DCBLD2: variants seen among roughly 807,000 people sequenced by gnomAD.
The protein encoded by DCBLD2 is discoidin, CUB and LCCL domain-containing protein 2.
A neutral mutation model predicts 86.8 loss-of-function variants in DCBLD2; 54 were observed. The ratio of observed to expected loss-of-function variants is 0.62; its 90% CI spans 0.50 to 0.78. DCBLD2 has a LOEUF of 0.78. Among genes scored for constraint, DCBLD2 ranks in the 30% least tolerant of loss-of-function variants. The pLI, the probability that DCBLD2 is intolerant of heterozygous loss-of-function variation, is 0.00. For missense variants in DCBLD2, 908 were observed against 954.2 expected, an observed-to-expected ratio of 0.95 and a Z score of 0.64; for synonymous variants, 354 against 341.3, an observed-to-expected ratio of 1.04 and a Z score of -0.41.
At chr3:98,868,154 G>A (rs183630342) in intron 2 of DCBLD2, among the ~76,000 whole-genome samples, 66 of 152,214 alleles carry the variant, frequency 4.3e-4, no homozygotes, top group African/African-American at 1.5e-3. Context: ...GCCCCCTGAA[G>A]CCTAAAGGCC....
At chr3:98,898,274 A>G (rs1002591279) in intron 1 of DCBLD2, among the ~76,000 whole-genome samples, 1 of 151,870 alleles carries the variant, frequency 6.6e-6, no homozygotes, top group Admixed American at 6.6e-5. Flanking sequence ...CATTGTGAAC[A>G]GAAAATCTAT....
At chr3:98,827,318 G>A (rs1340963118) in intron 3 of DCBLD2, among the ~76,000 whole-genome samples, 2 of 152,254 alleles carry the variant, frequency 1.3e-5, no homozygotes, top group South Asian at 2.1e-4. Context: ...AAAAATTTCC[G>A]ACTTCTAAGA....
At chr3:98,835,072 A>G (rs573963515) in intron 3 of DCBLD2, among the ~76,000 whole-genome samples, 30 of 145,940 alleles carry the variant, frequency 2.1e-4, no homozygotes. Context: ...TCCCAGGTTC[A>G]GGCGATTCTC....
intron 2 of DCBLD2, among the ~76,000 whole-genome samples, chr3:98,880,493 G>C (rs1189698258): frequency 1.3e-5 from 2 of 152,170 alleles, no homozygotes; most frequent in East Asian, 1.9e-4. Context: ...GACTGCAAGA[G>C]ATTTTCCCAG....
intron 3 of DCBLD2, 184 bp downstream of exon 3, chr3:98,849,277 G>T (rs1942787553): frequency 3.0e-6 from 2 of 667,336 alleles, no homozygotes; most frequent in Admixed American, 6.0e-5. Flanking sequence ...TAACGTTTAT[G>T]TACTTTTATT....
chr3:98,829,376 T>TG (rs1942282320), intron 3 of DCBLD2, among the ~76,000 whole-genome samples: 1 of 152,168 alleles, frequency 6.6e-6, no homozygotes, highest in African/African-American at 2.4e-5. Flanking sequence ...CTGTATCTTT[T>TG]GTCATCTAGG....
Position 98,881,523 on chromosome 3 carries a change from A to G in DCBLD2, c.433+17T>C. 1 of 1,599,728 alleles carries G rather than the reference A, an allele frequency of 6.3e-7. No individual in the cohort carries two copies. The highest frequency in any genetic ancestry group is 8.6e-7 in the Non-Finnish European group (1 of 1,167,968). ...CAATGATGTATTTACATGTACATTT[A>G]CAAAAAAAAGTCCTACCTATTTCAG... On this transcript the variant is annotated intron_variant, in intron 2 of 15. Transcript: ENST00000326840.
At chr3:98,888,160 C>T (rs1464971392) in intron 1 of DCBLD2, among the ~76,000 whole-genome samples, 1 of 151,878 alleles carries the variant, frequency 6.6e-6, no homozygotes, top group Non-Finnish European at 1.5e-5. Context: ...GGCTTGATAG[C>T]TCATTTATTT....
intron 3 of DCBLD2, among the ~76,000 whole-genome samples, chr3:98,846,832 G>A (rs1942733857): frequency 6.6e-6 from 1 of 152,082 alleles, no homozygotes; most frequent in Non-Finnish European, 1.5e-5. Context: ...TAAGGTTTCT[G>A]TGGGCCAAAA....
At chr3:98,877,226 A>G (rs1943387781) in intron 2 of DCBLD2, among the ~76,000 whole-genome samples, 1 of 152,204 alleles carries the variant, frequency 6.6e-6, no homozygotes, top group African/African-American at 2.4e-5. Flanking sequence ...AAAGAAATGA[A>G]CCAAACCATA....
intron 1 of DCBLD2, among the ~76,000 whole-genome samples, chr3:98,882,482 T>G (rs1014205676): frequency 6.6e-6 from 1 of 152,142 alleles, no homozygotes; most frequent in African/African-American, 2.4e-5. Context: ...ATGCGCAGGT[T>G]ACACAGATAT....
intron 2 of DCBLD2, among the ~76,000 whole-genome samples, chr3:98,869,928 A>C (rs1943227263): frequency 6.6e-6 from 1 of 152,238 alleles, no homozygotes; most frequent in South Asian, 2.1e-4. Context: ...GAGTGCTATA[A>C]ATAGGATAAT....
chr3:98,865,190 A>G (rs1943120706), intron 2 of DCBLD2, among the ~76,000 whole-genome samples: 2 of 152,204 alleles, frequency 1.3e-5, no homozygotes, highest in African/African-American at 4.8e-5. Flanking sequence ...TATTCACAAT[A>G]GCCAAGATAT....
At chr3:98,896,329 A>C (rs1034488600) in intron 1 of DCBLD2, among the ~76,000 whole-genome samples, 2 of 152,194 alleles carry the variant, frequency 1.3e-5, no homozygotes, top group Admixed American at 6.5e-5. Flanking sequence ...TTTGTTTCTA[A>C]ACTAACATTT....
chr3:98,873,468 T>C (rs903700347), intron 2 of DCBLD2, among the ~76,000 whole-genome samples: 2 of 152,126 alleles, frequency 1.3e-5, no homozygotes, highest in Non-Finnish European at 2.9e-5. Flanking sequence ...AATAGAATTA[T>C]ACATTATTAG....
chr3:98,830,689 CTT>C (rs1292794836), intron 3 of DCBLD2, among the ~76,000 whole-genome samples: 2 of 152,122 alleles, frequency 1.3e-5, no homozygotes, highest in Non-Finnish European at 2.9e-5. Context: ...CAGCTTTTTT[CTT>C]TTTGTTTAAG....
At chr3:98,859,099 G>C (rs1942992389) in intron 2 of DCBLD2, among the ~76,000 whole-genome samples, 1 of 152,168 alleles carries the variant, frequency 6.6e-6, no homozygotes, top group African/African-American at 2.4e-5. Context: ...TGGCTCGGAG[G>C]GTCCTACGCC....
chr3:98,895,803 T>C (rs971649838), intron 1 of DCBLD2, among the ~76,000 whole-genome samples: 1 of 152,174 alleles, frequency 6.6e-6, no homozygotes, highest in Non-Finnish European at 1.5e-5. Flanking sequence ...AAATAGACTG[T>C]AGGTTCTCTG....
At chr3:98,836,697 G>C (rs1215487980) in intron 3 of DCBLD2, among the ~76,000 whole-genome samples, 1 of 88,592 alleles carries the variant, frequency 1.1e-5, no homozygotes, top group Non-Finnish European at 2.5e-5. Flanking sequence ...ATCACCTCCC[G>C]GACGGGGCGG....
Sources: gnomAD v4.1 joint callset for allele counts (sites outside exome capture counted in the v4.1 genomes callset) on GRCh38, gnomAD v4.1.1 for gene constraint, MANE v1.5 for transcripts, NCBI Gene and HGNC (gene_info 2026-07-23, HGNC 2026-07-21) for gene names.